Variants in MPPED1 observed in about 807,000 individuals in gnomAD.
MPPED1 encodes the protein metallophosphoesterase domain containing 1, also known as metallophosphoesterase domain-containing protein 1.
Under a neutral mutation model 36.2 loss-of-function variants are expected in MPPED1, and 16 were observed. The ratio of observed to expected loss-of-function variants is 0.44; its 90% CI spans 0.30 to 0.67. The LOEUF (loss-of-function observed/expected upper bound fraction) is 0.67, where lower values mean the gene tolerates loss of function less well. MPPED1 is among the 30% of genes least tolerant of loss of function. MPPED1 has a pLI of 0.10. For missense variants in MPPED1, 307 were observed against 453.4 expected, an observed-to-expected ratio of 0.68 and a Z score of 2.93; for synonymous variants, 199 against 191.3, an observed-to-expected ratio of 1.04 and a Z score of -0.33.
At chr22:43,500,361 G>A (rs1932681270) in intron 5 of MPPED1, among the ~76,000 whole-genome samples, 1 of 149,922 alleles carries the variant, frequency 6.7e-6, no homozygotes, top group African/African-American at 2.5e-5. Flanking sequence ...GGTGATGGAG[G>A]TGGTGATGGG....
chr22:43,472,394 C>G (rs1931405503), intron 3 of MPPED1, among the ~76,000 whole-genome samples: 1 of 152,142 alleles, frequency 6.6e-6, no homozygotes, highest in African/African-American at 2.4e-5. Flanking sequence ...AATATCAGAA[C>G]AGTCCTGCAA....
At chr22:43,447,066 T>C (rs889938554) in intron 3 of MPPED1, among the ~76,000 whole-genome samples, 2 of 152,112 alleles carry the variant, frequency 1.3e-5, no homozygotes, top group Non-Finnish European at 2.9e-5. Flanking sequence ...TGGCGGTGCC[T>C]TCCTCCCCCC....
chr22:43,486,852 T>C (rs991933279), intron 4 of MPPED1, among the ~76,000 whole-genome samples: 42 of 152,112 alleles, frequency 2.8e-4, no homozygotes, highest in African/African-American at 9.2e-4. Context: ...AATGGACACG[T>C]AAGTCTCCGG....
intron 3 of MPPED1, among the ~76,000 whole-genome samples, chr22:43,454,156 C>T (rs1396174234): frequency 6.6e-6 from 1 of 151,820 alleles, no homozygotes; most frequent in Non-Finnish European, 1.5e-5. Flanking sequence ...TTACCGGCAC[C>T]CACCACCACG....
intron 3 of MPPED1, among the ~76,000 whole-genome samples, chr22:43,461,599 T>A (rs1038120473): frequency 2.0e-5 from 3 of 152,244 alleles, no homozygotes; most frequent in Non-Finnish European, 4.4e-5. Flanking sequence ...CACAAAGTCT[T>A]GCCCAGAGTG....
chr22:43,422,218 C>T (rs1929298973), intron 1 of MPPED1, among the ~76,000 whole-genome samples: 1 of 152,230 alleles, frequency 6.6e-6, no homozygotes, highest in African/African-American at 2.4e-5. Flanking sequence ...CCCAGCCCTG[C>T]CACCTACTCT....
chr22:43,449,721 C>T (rs896875540), intron 3 of MPPED1, among the ~76,000 whole-genome samples: 2 of 152,168 alleles, frequency 1.3e-5, no homozygotes, highest in African/African-American at 4.8e-5. Flanking sequence ...CAGAGCTGGG[C>T]CACCTTGCCT....
intron 2 of MPPED1, among the ~76,000 whole-genome samples, chr22:43,428,808 G>A (rs73889271): frequency 0.016 from 2,459 of 151,896 alleles, 71 homozygotes; most frequent in African/African-American, 0.056. Context: ...TCCTTGCCCC[G>A]GTGACTGAGA....
At chr22:43,465,009 C>T (rs562360296) in intron 3 of MPPED1, among the ~76,000 whole-genome samples, 11 of 152,338 alleles carry the variant, frequency 7.2e-5, no homozygotes, top group South Asian at 2.1e-4. Flanking sequence ...CACCCCACCC[C>T]GGTACCACAT....
At chr22:43,451,941 G>C (rs1356829021) in intron 3 of MPPED1, among the ~76,000 whole-genome samples, 1 of 152,140 alleles carries the variant, frequency 6.6e-6, no homozygotes, top group Non-Finnish European at 1.5e-5. Context: ...AATCCTGACT[G>C]CCTAGGGAGC....
At chr22:43,430,841 G>A (rs1929652483) in intron 2 of MPPED1, among the ~76,000 whole-genome samples, 1 of 151,704 alleles carries the variant, frequency 6.6e-6, no homozygotes, top group Non-Finnish European at 1.5e-5. Context: ...TGGGAGCTTG[G>A]GCATGGACTA....
At chr22:43,441,342 G>C (rs918545601) in intron 3 of MPPED1, among the ~76,000 whole-genome samples, 2 of 152,124 alleles carry the variant, frequency 1.3e-5, no homozygotes, top group African/African-American at 4.8e-5. Context: ...CCTGCCCACT[G>C]TCCCCTCTGC....
chr22:43,475,845 AATG>A (rs1017093072), intron 4 of MPPED1, among the ~76,000 whole-genome samples: 1 of 142,720 alleles, frequency 7.0e-6, no homozygotes, highest in African/African-American at 2.7e-5. Flanking sequence ...TGATGGTGAT[AATG>A]ATGGTGATGA....
At chr22:43,447,635 C>T (rs1930390202) in intron 3 of MPPED1, among the ~76,000 whole-genome samples, 1 of 151,376 alleles carries the variant, frequency 6.6e-6, no homozygotes, top group South Asian at 2.1e-4. Context: ...AGAGGGGCGT[C>T]TCCCCTCCTG....
At chr22:43,447,746 G>A (rs1834616213) in intron 3 of MPPED1, among the ~76,000 whole-genome samples, 1 of 149,652 alleles carries the variant, frequency 6.7e-6, no homozygotes, top group South Asian at 2.1e-4. Flanking sequence ...TTTCTAATGA[G>A]CTCCCAGGGT....
chr22:43,478,163 T>C lies in MPPED1; in HGVS notation c.632+3202T>C, dbSNP rs543403007. Reference sequence around the variant, plus strand: ...CCTTCAGGCTGCCAGTCCTAGCTCTTCCTGCTCCAGGGCGGAGGCCATTCA... The same window carrying C: ...CCTTCAGGCTGCCAGTCCTAGCTCTCCCTGCTCCAGGGCGGAGGCCATTCA... On this transcript the variant is annotated intron_variant, in intron 4 of 6. Transcript: ENST00000443721. Among the ~76,000 whole-genome samples, 207 of 152,342 alleles carry C rather than the reference T, an allele frequency of 1.4e-3. 1 individual carries two copies. Among genetic ancestry groups the C allele is most frequent in the African/African-American group, 4.8e-3 (200 of 41,580 alleles).
intron 4 of MPPED1, among the ~76,000 whole-genome samples, chr22:43,485,825 T>C (rs540957451): frequency 6.6e-6 from 1 of 152,358 alleles, no homozygotes; most frequent in South Asian, 2.1e-4. Context: ...GTTCTTCGGT[T>C]CCACTTATCT....
Position 43,465,208 on chromosome 22 carries a change from G to A in MPPED1, c.407-9528G>A, listed in dbSNP as rs1040251635. On this transcript the variant is annotated intron_variant, in intron 3 of 6. Coordinates refer to ENST00000443721, the MANE Select transcript of MPPED1 (RefSeq NM_001044370.2). ...CAGGCCAGGGCTCTCCCACAGCCTCGTGGGGCAGCTCCGTGGCATGGGCCT... is the reference window on the plus strand; with the variant it reads ...CAGGCCAGGGCTCTCCCACAGCCTCATGGGGCAGCTCCGTGGCATGGGCCT... Among the ~76,000 whole-genome samples, 5 of 152,232 alleles carry A rather than the reference G, an allele frequency of 3.3e-5. No individual in the cohort carries two copies. The East Asian group carries it at 5.8e-4, about 18-fold the overall frequency.
chr22:43,463,331 C>CTTTTTTTTTTTTTTT (rs3047468), intron 3 of MPPED1, among the ~76,000 whole-genome samples: 1 of 121,064 alleles, frequency 8.3e-6, no homozygotes, highest in African/African-American at 3.2e-5. Flanking sequence ...ATGATTTTTT[C>CTTTTTTTTTTTTTTT]TTTTTTTTTT....
Sources: allele counts gnomAD v4.1 joint callset (sites outside exome capture counted in the v4.1 genomes callset), GRCh38; gene constraint gnomAD v4.1.1; transcripts MANE v1.5; gene names NCBI Gene and HGNC (gene_info 2026-07-23, HGNC 2026-07-21).